POLK: variants seen among roughly 807,000 people sequenced by gnomAD.
POLK encodes the protein DNA polymerase kappa.
In POLK, 76 loss-of-function variants were observed where a neutral mutation model predicts 94.0. The ratio of observed to expected loss-of-function variants is 0.81; its 90% CI spans 0.67 to 0.98. POLK has a LOEUF of 0.98. POLK is among the 50% of genes least tolerant of loss of function. POLK has a pLI of 0.00. For missense variants in POLK, 954 were observed against 1,010.1 expected, an observed-to-expected ratio of 0.94 and a Z score of 0.75; for synonymous variants, 349 against 325.4, an observed-to-expected ratio of 1.07 and a Z score of -0.78.
intron 12 of POLK, among the ~76,000 whole-genome samples, chr5:75,595,837 T>A (rs1773052351): frequency 6.6e-6 from 1 of 152,098 alleles, no homozygotes; most frequent in Non-Finnish European, 1.5e-5. Flanking sequence ...GGAAAGGGGA[T>A]CTTTGGGAAC....
chr5:75,536,507 A>C (rs949163732), intron 1 of POLK, among the ~76,000 whole-genome samples: 2 of 152,044 alleles, frequency 1.3e-5, no homozygotes, highest in Non-Finnish European at 2.9e-5. Context: ...TTCCATGGCA[A>C]CAGGAGGCTG....
chr5:75,530,407 T>C (rs941687985), intron 1 of POLK, among the ~76,000 whole-genome samples: 1 of 112,530 alleles, frequency 8.9e-6, no homozygotes. Flanking sequence ...TTTTTTTTTT[T>C]TTTTTTTTTT....
At chr5:75,554,937 G>C (rs1770538433) in intron 3 of POLK, among the ~76,000 whole-genome samples, 1 of 152,116 alleles carries the variant, frequency 6.6e-6, no homozygotes, top group Non-Finnish European at 1.5e-5. Context: ...CCATGTCTTT[G>C]CTGTTGTGAA....
At chr5:75,559,505 G>GTTTTTTTTTTT (rs1561371144) in intron 3 of POLK, among the ~76,000 whole-genome samples, 36 of 70,104 alleles carry the variant, frequency 5.1e-4, no homozygotes, top group African/African-American at 7.2e-4. Flanking sequence ...TTTGGGGTTT[G>GTTTTTTTTTTT]TTTTTTTGTT....
At chr5:75,581,839 C>T in intron 7 of POLK, 1 of 179,986 alleles carries the variant, frequency 5.6e-6, no homozygotes. Context: ...GCCACCATGC[C>T]CAGCTAATTT....
chr5:75,567,795 T>A (rs1771353385), intron 3 of POLK, among the ~76,000 whole-genome samples: 1 of 152,110 alleles, frequency 6.6e-6, no homozygotes, highest in East Asian at 1.9e-4. Flanking sequence ...GTGACAGAGC[T>A]TGGAAAGGCA....
At chr5:75,596,785 G>T (rs200939225) in exon 13 of POLK, 115 of 1,611,928 alleles carry the variant, frequency 7.1e-5, no homozygotes, top group Non-Finnish European at 6.7e-5. Flanking sequence ...AATATCTTCA[G>T]TAGATTGTAT....
At chr5:75,566,821 C>A (rs1344211973) in intron 3 of POLK, among the ~76,000 whole-genome samples, 2 of 152,146 alleles carry the variant, frequency 1.3e-5, no homozygotes, top group African/African-American at 2.4e-5. Flanking sequence ...TCCCCGAAGC[C>A]GTTATTCTTA....
intron 3 of POLK, among the ~76,000 whole-genome samples, chr5:75,561,680 T>C (rs1045437786): frequency 6.6e-6 from 1 of 152,222 alleles, no homozygotes; most frequent in African/African-American, 2.4e-5. Flanking sequence ...AGTTAATTGT[T>C]GTATAAGGTG....
At chr5:75,584,956 T>A (rs758193049) in intron 9 of POLK, 30 bp downstream of exon 9, 1 of 1,437,288 alleles carries the variant, frequency 7.0e-7, no homozygotes, top group South Asian at 1.2e-5. Flanking sequence ...TTCTGCTTTT[T>A]CTTCAGCATT....
chr5:75,553,741 G>C (rs903026599), intron 3 of POLK, among the ~76,000 whole-genome samples: 18 of 152,204 alleles, frequency 1.2e-4, no homozygotes, highest in Non-Finnish European at 8.8e-5. Flanking sequence ...TGAAAGTATT[G>C]ATTTTCTCAC....
chr5:75,526,803 A>T (rs1458240049), intron 1 of POLK, among the ~76,000 whole-genome samples: 3 of 151,856 alleles, frequency 2.0e-5, no homozygotes, highest in Non-Finnish European at 2.9e-5. Flanking sequence ...CTGGTCTCGA[A>T]CTCCTGGCCT....
chr5:75,595,557 A>G (rs1773033060), intron 12 of POLK, among the ~76,000 whole-genome samples: 1 of 151,960 alleles, frequency 6.6e-6, no homozygotes, highest in African/African-American at 2.4e-5. Context: ...CATAAAAAAT[A>G]ATTGATTGTC....
chr5:75,595,506 T>A (rs1436200790), intron 12 of POLK, among the ~76,000 whole-genome samples: 1 of 152,126 alleles, frequency 6.6e-6, no homozygotes, highest in Non-Finnish European at 1.5e-5. Context: ...TACTGTGTGA[T>A]TCCAACCATA....
chr5:75,597,052 AAGACTTC>A lies in POLK; in HGVS notation c.2363_2369del (p.Thr788IlefsTer2). On this transcript the variant is annotated frameshift_variant, in exon 13 of 15. Coordinates refer to ENST00000241436, the Ensembl canonical transcript of POLK. LOFTEE classifies it high-confidence loss of function. The stretch of plus-strand genomic sequence containing the variant: ...TTGTCCTGTTTGTAACGTAGAACAA[AAGACTTC>A]AGATCTAACCCTGTTCAATGTGCAT... 6.2e-7 allele frequency: 1 copy of A among 1,613,686 alleles called. No individual in the cohort carries two copies. Among genetic ancestry groups the A allele is most frequent in the Non-Finnish European group, 8.5e-7 (1 of 1,179,624 alleles).
intron 10 of POLK, among the ~76,000 whole-genome samples, chr5:75,587,718 C>T (rs113785293): frequency 0.012 from 1,871 of 152,068 alleles, 39 homozygotes; most frequent in African/African-American, 0.043. Flanking sequence ...GCCAGGAGTT[C>T]GAGACCAGCC....
intron 5 of POLK, among the ~76,000 whole-genome samples, chr5:75,575,912 A>G (rs5744650): frequency 0.014 from 2,161 of 152,252 alleles, 54 homozygotes; most frequent in African/African-American, 0.05. Flanking sequence ...TATGTTTTCT[A>G]ATATAAATTT....
intron 3 of POLK, among the ~76,000 whole-genome samples, chr5:75,568,127 A>G (rs1252612759): frequency 6.6e-6 from 1 of 152,200 alleles, no homozygotes; most frequent in African/African-American, 2.4e-5. Context: ...AGGGAACTCC[A>G]CGTTCCATAG....
At chr5:75,546,203 T>A (rs559280269) in intron 1 of POLK, among the ~76,000 whole-genome samples, 2 of 152,376 alleles carry the variant, frequency 1.3e-5, no homozygotes, top group East Asian at 3.9e-4. Context: ...TTTTGTATGT[T>A]ATATTTGTTC....
Sources: gnomAD v4.1 joint callset for allele counts (sites outside exome capture counted in the v4.1 genomes callset) on GRCh38, gnomAD v4.1.1 for gene constraint, MANE v1.5 for transcripts, NCBI Gene and HGNC (gene_info 2026-07-23, HGNC 2026-07-21) for gene names.